Variants in PTPRD observed in about 807,000 individuals in gnomAD.
PTPRD encodes the protein receptor-type tyrosine-protein phosphatase delta.
Under a neutral mutation model 214.5 loss-of-function variants are expected in PTPRD, and 34 were observed. The ratio of observed to expected loss-of-function variants is 0.16; its 90% CI spans 0.12 to 0.21. The LOEUF is 0.21. Ranked by LOEUF, PTPRD falls within the 10% of genes least tolerant of loss-of-function variation. The pLI, the probability that PTPRD is intolerant of heterozygous loss-of-function variation, is 1.00. For synonymous variants in PTPRD, 1,128 were observed against 845.7 expected (o/e 1.33, Z -5.79); for missense variants, 2,545 against 2,398.7 (o/e 1.06, Z -1.27).
At chr9:9,330,741 A>T (rs984992747) in intron 9 of PTPRD, among the ~76,000 whole-genome samples, 1 of 151,944 alleles carries the variant, frequency 6.6e-6, no homozygotes, top group African/African-American at 2.4e-5. Context: ...GAGAGAAAAA[A>T]GTCATTGAAT....
At chr9:10,305,644 T>G (rs2096038139) in intron 3 of PTPRD, among the ~76,000 whole-genome samples, 1 of 152,030 alleles carries the variant, frequency 6.6e-6, no homozygotes, top group Admixed American at 6.5e-5. Flanking sequence ...AAGAAGACAT[T>G]TATGCAGCCA....
chr9:8,892,152 A>G (rs2098544968), intron 11 of PTPRD, among the ~76,000 whole-genome samples: 2 of 152,068 alleles, frequency 1.3e-5, no homozygotes, highest in African/African-American at 4.8e-5. Flanking sequence ...AGCATGGGAG[A>G]GTTCAGTATG....
chr9:9,912,598 C>T lies in PTPRD; in HGVS notation c.-368+25909G>A, dbSNP rs974756826. ...AAAGCTGAATAATATTAAATGGTAT[C>T]GTTGGCAATCAGTGCTGAAGCCTGA... On this transcript the variant is annotated intron_variant, in intron 5 of 45. Transcript: ENST00000381196. Among the ~76,000 whole-genome samples the T allele has an allele frequency of 2.6e-5, 4 of 152,248 alleles. No individual in the cohort carries two copies. The Middle Eastern group carries it at 0.01, about 388-fold the overall frequency.
chr9:10,254,126 T>G (rs998375147), intron 3 of PTPRD, among the ~76,000 whole-genome samples: 2 of 152,238 alleles, frequency 1.3e-5, no homozygotes, highest in Admixed American at 1.3e-4. Flanking sequence ...AGTCAACTCA[T>G]AATCACATAC....
At chr9:9,814,279 C>T (rs1320135144) in intron 5 of PTPRD, among the ~76,000 whole-genome samples, 4 of 147,582 alleles carry the variant, frequency 2.7e-5, no homozygotes, top group Non-Finnish European at 4.4e-5. Flanking sequence ...GATGTAATAA[C>T]GTCCTAACCT....
intron 8 of PTPRD, among the ~76,000 whole-genome samples, chr9:9,485,826 C>T (rs867635684): frequency 6.0e-4 from 92 of 152,244 alleles, no homozygotes; most frequent in African/African-American, 2.0e-3. Context: ...CTAGACCCTT[C>T]CCATCAGTGT....
rs191606817 is a variant in PTPRD at position 10,075,633 on chromosome 9, C to T, written c.-544-41843G>A. On this transcript the variant is annotated intron_variant, in intron 3 of 45. Transcript: ENST00000381196. Reference sequence around the variant, plus strand: ...ATAGAAGGCACTCAGTATATATTTGCTCAATGAATACATCATTTTTTTCAT... The same window carrying T: ...ATAGAAGGCACTCAGTATATATTTGTTCAATGAATACATCATTTTTTTCAT... Among the ~76,000 whole-genome samples the T allele has an allele frequency of 1.6e-4, 24 of 151,814 alleles. No homozygotes were observed. The East Asian group carries it at 4.7e-3, about 30-fold the overall frequency.
At chr9:9,509,961 T>C (rs948378056) in intron 8 of PTPRD, among the ~76,000 whole-genome samples, 1 of 151,574 alleles carries the variant, frequency 6.6e-6, no homozygotes, top group Non-Finnish European at 1.5e-5. Flanking sequence ...TGCCTGATAG[T>C]CCCTAACAAG....
intron 14 of PTPRD, among the ~76,000 whole-genome samples, chr9:8,601,175 A>G (rs72698206): frequency 1.2e-3 from 186 of 152,266 alleles, no homozygotes; most frequent in South Asian, 2.1e-3. Flanking sequence ...AAGGGGACCG[A>G]AGAGTGAGAA....
rs73394343 is a variant in PTPRD at position 10,498,089 on chromosome 9, A to G, written c.-600+114309T>C. Among the ~76,000 whole-genome samples, 1,317 of 152,152 alleles carry G rather than the reference A, an allele frequency of 8.7e-3. 21 individuals carry two copies. The highest frequency in any genetic ancestry group is 0.03 in the African/African-American group (1,253 of 41,550). Reference sequence around the variant, plus strand: ...AATCTATTTGAACCAAATGAGCTGCAGAGCAATATTACAATTAACATTCAG... The same window carrying G: ...AATCTATTTGAACCAAATGAGCTGCGGAGCAATATTACAATTAACATTCAG... On this transcript the variant is annotated intron_variant, in intron 2 of 45. Coordinates refer to ENST00000381196, the MANE Select transcript of PTPRD (RefSeq NM_002839.4).
intron 7 of PTPRD, among the ~76,000 whole-genome samples, chr9:9,625,377 G>T (rs890376831): frequency 6.6e-6 from 1 of 152,094 alleles, no homozygotes; most frequent in African/African-American, 2.4e-5. Flanking sequence ...ATAACCTGGC[G>T]CATGCTGTTA....
chr9:8,340,765 T>A (rs974245375), intron 41 of PTPRD, among the ~76,000 whole-genome samples: 9 of 152,144 alleles, frequency 5.9e-5, no homozygotes, highest in Admixed American at 4.6e-4. Flanking sequence ...TAAGAAACAC[T>A]TAGATGTGCA....
chr9:9,324,703 C>G (rs527911329), intron 9 of PTPRD, among the ~76,000 whole-genome samples: 1 of 151,982 alleles, frequency 6.6e-6, no homozygotes, highest in Non-Finnish European at 1.5e-5. Flanking sequence ...TAATTCGATC[C>G]CATTTGTCTA....
intron 14 of PTPRD, among the ~76,000 whole-genome samples, chr9:8,531,624 T>C (rs1338433597): frequency 6.6e-6 from 1 of 152,126 alleles, no homozygotes; most frequent in Non-Finnish European, 1.5e-5. Context: ...TTGCGATTCC[T>C]GAGTGGTTTC....
intron 2 of PTPRD, among the ~76,000 whole-genome samples, chr9:10,387,118 C>T (rs575200663): frequency 2.6e-5 from 4 of 151,784 alleles, no homozygotes; most frequent in Non-Finnish European, 4.4e-5. Flanking sequence ...CACAGCCCTA[C>T]CTATACCTTG....
chr9:10,105,472 G>C (rs897889699), intron 3 of PTPRD, among the ~76,000 whole-genome samples: 4 of 151,780 alleles, frequency 2.6e-5, no homozygotes, highest in Non-Finnish European at 4.4e-5. Context: ...AGGTAAGAAA[G>C]CATGATTCTT....
intron 9 of PTPRD, among the ~76,000 whole-genome samples, chr9:9,277,249 C>A (rs1205457828): frequency 6.6e-6 from 1 of 151,270 alleles, no homozygotes; most frequent in African/African-American, 2.4e-5. Flanking sequence ...TTTGAATATT[C>A]TTTCTCTACC....
chr9:8,661,084 A>G (rs1452338641), intron 12 of PTPRD, among the ~76,000 whole-genome samples: 1 of 152,146 alleles, frequency 6.6e-6, no homozygotes, highest in Non-Finnish European at 1.5e-5. Flanking sequence ...TTCTGGTTAT[A>G]GAACAGTCCC....
At chr9:10,100,700 T>C (rs2098543282) in intron 3 of PTPRD, among the ~76,000 whole-genome samples, 1 of 151,616 alleles carries the variant, frequency 6.6e-6, no homozygotes, top group Admixed American at 6.6e-5. Flanking sequence ...GATTGGGAAG[T>C]AAGAAGAATG....
Sources: gnomAD v4.1 joint callset for allele counts (sites outside exome capture counted in the v4.1 genomes callset) on GRCh38, gnomAD v4.1.1 for gene constraint, MANE v1.5 for transcripts, NCBI Gene and HGNC (gene_info 2026-07-23, HGNC 2026-07-21) for gene names.